LRRC4C: variants seen among roughly 807,000 people sequenced by gnomAD.
The protein encoded by LRRC4C is leucine-rich repeat-containing protein 4C.
Under a neutral mutation model 33.6 loss-of-function variants are expected in LRRC4C, and 5 were observed. The observed-to-expected ratio is 0.15, with a 90% confidence interval of 0.08 to 0.31. The LOEUF is 0.31. Ranked by LOEUF, LRRC4C falls within the 10% of genes least tolerant of loss-of-function variation. The pLI is 1.00. For synonymous variants in LRRC4C, 329 were observed against 302.0 expected, an observed-to-expected ratio of 1.09 and a Z score of -0.93; for missense variants, 560 against 796.7, an observed-to-expected ratio of 0.70 and a Z score of 3.58.
In LRRC4C at chr11:40,441,417, C is replaced by T. The variant is rs561425732; in HGVS notation, c.-269-121696G>A. 1.2e-4 allele frequency among the ~76,000 whole-genome samples: 18 copies of T among 152,116 alleles called. 1 individual carries two copies. Among genetic ancestry groups the T allele is most frequent in the South Asian group, 1.0e-3 (5 of 4,820 alleles). On this transcript the variant is annotated intron_variant, in intron 3 of 6. Transcript: ENST00000528697. ...CAGTATGATTTCTGGTTGTTTAGTACGATTCGCTGTAACTAAGTGTGCCTG... is the reference window on the plus strand; with the variant it reads ...CAGTATGATTTCTGGTTGTTTAGTATGATTCGCTGTAACTAAGTGTGCCTG...
chr11:40,915,682 C>A (rs2051534075), intron 2 of LRRC4C, among the ~76,000 whole-genome samples: 1 of 152,116 alleles, frequency 6.6e-6, no homozygotes, highest in Non-Finnish European at 1.5e-5. Context: ...CAACAAAAGC[C>A]AAAATTGACA....
At chr11:40,306,372 G>A (rs1440363419) in intron 4 of LRRC4C, among the ~76,000 whole-genome samples, 1 of 152,112 alleles carries the variant, frequency 6.6e-6, no homozygotes, top group African/African-American at 2.4e-5. Context: ...TAACACAGCA[G>A]CTGCTCACTT....
intron 2 of LRRC4C, among the ~76,000 whole-genome samples, chr11:40,710,132 A>T (rs184483984): frequency 1.3e-5 from 2 of 152,240 alleles, no homozygotes; most frequent in African/African-American, 4.8e-5. Flanking sequence ...GATGGGTTTG[A>T]ACATCCTCCT....
chr11:40,404,870 T>A (rs1590630926), intron 3 of LRRC4C, among the ~76,000 whole-genome samples: 1 of 151,784 alleles, frequency 6.6e-6, no homozygotes, highest in African/African-American at 2.4e-5. Flanking sequence ...GATATATATA[T>A]AATAAAATGT....
At chr11:40,914,852 C>T (rs964028700) in intron 2 of LRRC4C, among the ~76,000 whole-genome samples, 2 of 152,146 alleles carry the variant, frequency 1.3e-5, no homozygotes, top group African/African-American at 2.4e-5. Flanking sequence ...TCAGCAAAGT[C>T]TCAGGATACA....
At chr11:40,537,739 T>G (rs1956536362) in intron 3 of LRRC4C, among the ~76,000 whole-genome samples, 1 of 152,112 alleles carries the variant, frequency 6.6e-6, no homozygotes, top group Non-Finnish European at 1.5e-5. Context: ...TATATATATA[T>G]GTGGATCAGA....
At chr11:40,877,794 C>T (rs1426607325) in intron 2 of LRRC4C, among the ~76,000 whole-genome samples, 1 of 152,150 alleles carries the variant, frequency 6.6e-6, no homozygotes, top group African/African-American at 2.4e-5. Flanking sequence ...ACTCCAAAGG[C>T]TTGTCTTTTC....
In LRRC4C at chr11:40,127,113, C is replaced by T. The variant is rs555245717; in HGVS notation, c.-42-10779G>A. ...TGAACATGGTGAAACCCCGTCTCTA[C>T]TAAAAATACAAAAAGTAGCTGGGCA... On this transcript the variant is annotated intron_variant, in intron 6 of 6. Transcript: ENST00000528697. 3.1e-3 allele frequency among the ~76,000 whole-genome samples: 468 copies of T among 151,662 alleles called. 5 individuals carry two copies. The highest frequency in any genetic ancestry group is 0.011 in the African/African-American group (461 of 41,364).
At chr11:41,170,880 T>C (rs1459708889) in intron 1 of LRRC4C, among the ~76,000 whole-genome samples, 1 of 152,098 alleles carries the variant, frequency 6.6e-6, no homozygotes, top group Non-Finnish European at 1.5e-5. Context: ...ATATCCACAA[T>C]CTACAATGAA....
At chr11:40,549,315 A>G (rs957914573) in intron 3 of LRRC4C, among the ~76,000 whole-genome samples, 4 of 152,174 alleles carry the variant, frequency 2.6e-5, no homozygotes, top group Admixed American at 2.6e-4. Flanking sequence ...GTCAACTGCA[A>G]TGTCATCTTG....
chr11:40,232,763 G>A, intron 5 of LRRC4C, among the ~76,000 whole-genome samples: 1 of 152,086 alleles, frequency 6.6e-6, no homozygotes, highest in African/African-American at 2.4e-5. Flanking sequence ...GATTTTTTAG[G>A]TGCCATTTCT....
At chr11:40,921,128 G>T (rs1046685489) in intron 2 of LRRC4C, among the ~76,000 whole-genome samples, 13 of 151,930 alleles carry the variant, frequency 8.6e-5, no homozygotes, top group Admixed American at 3.3e-4. Flanking sequence ...TCGCTATGTT[G>T]TCAGGACTGG....
chr11:41,186,770 C>T (rs1231580862), intron 1 of LRRC4C, among the ~76,000 whole-genome samples: 4 of 152,236 alleles, frequency 2.6e-5, no homozygotes, highest in Admixed American at 6.5e-5. Context: ...ATCTAAATTA[C>T]GCCCTGAGTC....
intron 1 of LRRC4C, among the ~76,000 whole-genome samples, chr11:40,979,476 C>T (rs1426624112): frequency 6.6e-6 from 1 of 152,142 alleles, no homozygotes; most frequent in African/African-American, 2.4e-5. Flanking sequence ...ATATTGGAGT[C>T]AGTTGGCCTA....
chr11:40,557,939 G>A (rs1346636261), intron 3 of LRRC4C, among the ~76,000 whole-genome samples: 1 of 152,094 alleles, frequency 6.6e-6, no homozygotes, highest in Non-Finnish European at 1.5e-5. Flanking sequence ...TTAAATTAAT[G>A]TTTTTAAGGT....
intron 1 of LRRC4C, among the ~76,000 whole-genome samples, chr11:41,302,526 C>T (rs1001180407): frequency 3.9e-5 from 6 of 152,050 alleles, no homozygotes; most frequent in Non-Finnish European, 7.4e-5. Context: ...ACTTTGTTTT[C>T]GAGTTTGATG....
chr11:40,293,202 G>A (rs1236390909), intron 4 of LRRC4C: 1 of 151,954 alleles, frequency 6.6e-6, no homozygotes, highest in African/African-American at 2.4e-5. Flanking sequence ...AGTGCGGGGG[G>A]CGGGGGCGGG....
intron 1 of LRRC4C, among the ~76,000 whole-genome samples, chr11:41,096,014 T>C (rs1940786426): frequency 6.6e-6 from 1 of 152,150 alleles, no homozygotes; most frequent in Non-Finnish European, 1.5e-5. Flanking sequence ...TAGTATTAAG[T>C]ATTATAGATA....
intron 1 of LRRC4C, among the ~76,000 whole-genome samples, chr11:41,147,783 A>C (rs1331973165): frequency 6.6e-6 from 1 of 152,182 alleles, no homozygotes; most frequent in Non-Finnish European, 1.5e-5. Context: ...TAGCAAATAA[A>C]GCCATAAAAA....
Sources: gnomAD v4.1 joint callset for allele counts (sites outside exome capture counted in the v4.1 genomes callset) on GRCh38, gnomAD v4.1.1 for gene constraint, MANE v1.5 for transcripts, NCBI Gene and HGNC (gene_info 2026-07-23, HGNC 2026-07-21) for gene names.